Variants in TNFSF4 observed in about 807,000 individuals in gnomAD.
TNFSF4 encodes the protein tumor necrosis factor ligand superfamily member 4.
TNFSF4 carries 4 observed loss-of-function variants against 7.3 expected under a neutral mutation model. The observed-to-expected ratio is 0.55, with a 90% CI of 0.27 to 1.25. The LOEUF (loss-of-function observed/expected upper bound fraction) is 1.25, where lower values mean the gene tolerates loss of function less well. Among genes scored for constraint, TNFSF4 ranks in the 50% most tolerant of loss-of-function variants. The pLI is 0.12. For synonymous variants in TNFSF4, 76 were observed against 83.7 expected, an observed-to-expected ratio of 0.91 and a Z score of 0.50; for missense variants, 181 against 208.8, an observed-to-expected ratio of 0.87 and a Z score of 0.82.
At chr1:173,409,415 T>C in the TNFSF4 span, among the ~76,000 whole-genome samples, 1 of 152,198 alleles carries the variant, frequency 6.6e-6, no homozygotes, top group Non-Finnish European at 1.5e-5. Flanking sequence ...GTTGTATTAT[T>C]TTTATATAGA....
intron 1 of TNFSF4, among the ~76,000 whole-genome samples, chr1:173,192,372 T>C (rs538957808): frequency 3.3e-5 from 5 of 152,126 alleles, no homozygotes; most frequent in Admixed American, 6.6e-5. Context: ...CAATGGAACA[T>C]TATGCAGCAC....
chr1:173,190,149 G>A (rs1649414639), intron 1 of TNFSF4, among the ~76,000 whole-genome samples: 1 of 152,138 alleles, frequency 6.6e-6, no homozygotes, highest in Non-Finnish European at 1.5e-5. Context: ...CTGGGAGGGG[G>A]CCAAGATCGC....
chr1:173,244,903 A>G, the TNFSF4 span, among the ~76,000 whole-genome samples: 3 of 152,002 alleles, frequency 2.0e-5, no homozygotes, highest in Admixed American at 6.6e-5. Context: ...AGTTGTTTCT[A>G]TGTAATTGGA....
At chr1:173,202,070 T>TACACACA (rs1553213099) in intron 1 of TNFSF4, among the ~76,000 whole-genome samples, 1 of 149,564 alleles carries the variant, frequency 6.7e-6, no homozygotes, top group Non-Finnish European at 1.5e-5. Context: ...TATATATATA[T>TACACACA]ACACACACAC....
the TNFSF4 span, among the ~76,000 whole-genome samples, chr1:173,304,807 A>T: frequency 6.6e-6 from 1 of 152,092 alleles, no homozygotes; most frequent in East Asian, 1.9e-4. Flanking sequence ...CTTGCCTCAT[A>T]ACCTAGTGTC....
downstream of TNFSF4, among the ~76,000 whole-genome samples, chr1:173,181,095 C>A (rs572481515): frequency 1.1e-4 from 17 of 152,272 alleles, no homozygotes; most frequent in Admixed American, 1.1e-3. Context: ...TACCTTGAAA[C>A]TGATTATAAG....
chr1:173,319,007 C>G, the TNFSF4 span, among the ~76,000 whole-genome samples: 2 of 152,216 alleles, frequency 1.3e-5, no homozygotes, highest in African/African-American at 4.8e-5. Flanking sequence ...ATTCACTGAC[C>G]TGGAAAGGCA....
chr1:173,449,896 C>A, the TNFSF4 span, among the ~76,000 whole-genome samples: 3 of 151,888 alleles, frequency 2.0e-5, no homozygotes, highest in South Asian at 6.2e-4. Context: ...ACAGAATAAA[C>A]CCAAAGTAAG....
chr1:173,204,282 C>T (rs1315876914), intron 1 of TNFSF4, among the ~76,000 whole-genome samples: 2 of 152,038 alleles, frequency 1.3e-5, no homozygotes, highest in African/African-American at 4.8e-5. Context: ...TCATTTGATC[C>T]TACTTTCTCA....
the TNFSF4 span, among the ~76,000 whole-genome samples, chr1:173,233,113 C>T: frequency 6.6e-6 from 1 of 152,106 alleles, no homozygotes; most frequent in Non-Finnish European, 1.5e-5. Context: ...AACTGAATAA[C>T]CAGTGTAGAG....
At chr1:173,204,888 C>T (rs1026118621) in intron 1 of TNFSF4, among the ~76,000 whole-genome samples, 3 of 147,102 alleles carry the variant, frequency 2.0e-5, no homozygotes, top group Admixed American at 1.3e-4. Context: ...CTCTCTCTCT[C>T]TCAAACACAC....
chr1:173,346,756 C>A, the TNFSF4 span, among the ~76,000 whole-genome samples: 1 of 152,102 alleles, frequency 6.6e-6, no homozygotes, highest in Non-Finnish European at 1.5e-5. Flanking sequence ...ATATCCTGCC[C>A]ACCCAGAAAA....
At chr1:173,380,747 T>C in the TNFSF4 span, among the ~76,000 whole-genome samples, 6,801 of 152,088 alleles carry the variant, frequency 0.045, 536 homozygotes, top group African/African-American at 0.15. Context: ...GCCACTCGGT[T>C]TTCTCCCAAC....
At chr1:173,377,612 C>T in the TNFSF4 span, among the ~76,000 whole-genome samples, 1 of 152,128 alleles carries the variant, frequency 6.6e-6, no homozygotes, top group Non-Finnish European at 1.5e-5. Flanking sequence ...GAGGATAGTC[C>T]CACTTCTAAA....
the TNFSF4 span, among the ~76,000 whole-genome samples, chr1:173,328,183 G>T: frequency 6.6e-6 from 1 of 152,060 alleles, no homozygotes; most frequent in Admixed American, 6.6e-5. Context: ...CATAAAAAAT[G>T]ATGAGTTCAT....
At chr1:173,406,858 C>T in the TNFSF4 span, among the ~76,000 whole-genome samples, 107,506 of 152,074 alleles carry the variant, frequency 0.71, 38,261 homozygotes, top group African/African-American at 0.81. Context: ...GAGGTAATTA[C>T]GGAGAGCTTC....
the TNFSF4 span, among the ~76,000 whole-genome samples, chr1:173,217,869 C>G: frequency 4.1e-4 from 62 of 152,224 alleles, 1 homozygote; most frequent in South Asian, 0.012. Context: ...CCACCTCAGC[C>G]TCCTGAGTAG....
the TNFSF4 span, among the ~76,000 whole-genome samples, chr1:173,343,220 T>G: frequency 6.6e-6 from 1 of 152,142 alleles, no homozygotes; most frequent in Non-Finnish European, 1.5e-5. Context: ...ATATATAGTA[T>G]GATAGAAGAT....
chr1:173,403,881 G>A, the TNFSF4 span, among the ~76,000 whole-genome samples: 572 of 149,420 alleles, frequency 3.8e-3, 5 homozygotes, highest in African/African-American at 0.012. Flanking sequence ...CAGCCTGGGC[G>A]ACAGAGCAAG....
Sources: gnomAD v4.1 joint callset for allele counts (sites outside exome capture counted in the v4.1 genomes callset) on GRCh38, gnomAD v4.1.1 for gene constraint, MANE v1.5 for transcripts, NCBI Gene and HGNC (gene_info 2026-07-23, HGNC 2026-07-21) for gene names.